The following CUBN variants were observed in gnomAD, a reference collection of about 807,000 sequenced individuals.
CUBN encodes the protein cubilin.
Under a neutral mutation model 405.3 loss-of-function variants are expected in CUBN, and 282 were observed. That is an observed-to-expected ratio of 0.70 (90% CI 0.63 to 0.77). The LOEUF is 0.77. Among genes scored for constraint, CUBN ranks in the 30% least tolerant of loss-of-function variants. The pLI is 0.00. For synonymous variants in CUBN, 1,684 were observed against 1,617.0 expected (o/e 1.04, Z -0.99); for missense variants, 4,514 against 4,475.2 (o/e 1.01, Z -0.25).
At chr10:17,074,286 A>G (rs12265457) in intron 17 of CUBN, among the ~76,000 whole-genome samples, 4,232 of 152,262 alleles carry the variant, frequency 0.028, 198 homozygotes, top group African/African-American at 0.096. Flanking sequence ...AGCAGGGACC[A>G]CAATCTAGCA....
intron 29 of CUBN, 21 bp downstream of exon 29, chr10:16,990,313 A>T: frequency 6.2e-7 from 1 of 1,613,752 alleles, no homozygotes. Flanking sequence ...AATGTGCTGA[A>T]AAAACCATCT....
chr10:17,063,967 A>T (rs1835556933), intron 22 of CUBN, among the ~76,000 whole-genome samples: 1 of 152,248 alleles, frequency 6.6e-6, no homozygotes, highest in Non-Finnish European at 1.5e-5. Context: ...TTTGGGGCCA[A>T]ACATACCAGA....
intron 56 of CUBN, among the ~76,000 whole-genome samples, chr10:16,887,378 T>C (rs1840851462): frequency 6.6e-6 from 1 of 152,252 alleles, no homozygotes; most frequent in African/African-American, 2.4e-5. Context: ...AATACTTGTA[T>C]TCTTTAAAAA....
rs560850466 is a variant in CUBN, at chr10:16,857,069, T to C, written c.9455-5626A>G. 1.3e-3 allele frequency among the ~76,000 whole-genome samples: 203 copies of C among 152,334 alleles called. 1 individual carries two copies. Among genetic ancestry groups the C allele is most frequent in the African/African-American group, 4.5e-3 (189 of 41,558 alleles). On this transcript the variant is annotated intron_variant, in intron 59 of 66. Coordinates refer to ENST00000377833, the MANE Select transcript of CUBN (RefSeq NM_001081.4). ...TTCTACTAGGTTTCAGACGAACCTG[T>C]TTTGTCTTTTTCTCTAAAAGTAAAC...
At chr10:17,078,771 A>C (rs1219042243) in intron 17 of CUBN, among the ~76,000 whole-genome samples, 3 of 152,152 alleles carry the variant, frequency 2.0e-5, no homozygotes, top group African/African-American at 7.2e-5. Context: ...CAGAGAGCTG[A>C]AGGGTTTTAT....
intron 27 of CUBN, among the ~76,000 whole-genome samples, chr10:17,039,084 C>CT (rs1316454459): frequency 6.6e-6 from 1 of 151,886 alleles, no homozygotes; most frequent in Non-Finnish European, 1.5e-5. Context: ...TTTCCTCCCC[C>CT]CTCTTTCTGC....
chr10:16,941,436 G>A (rs1842648701), intron 36 of CUBN, among the ~76,000 whole-genome samples: 1 of 152,170 alleles, frequency 6.6e-6, no homozygotes, highest in Non-Finnish European at 1.5e-5. Context: ...AAAAATCTTT[G>A]TGACCTTGGG....
chr10:16,858,845 T>C (rs1326502359), intron 59 of CUBN, among the ~76,000 whole-genome samples: 2 of 152,244 alleles, frequency 1.3e-5, no homozygotes, highest in Non-Finnish European at 2.9e-5. Flanking sequence ...ACTGATTTTT[T>C]TCAAATGTGC....
intron 39 of CUBN, among the ~76,000 whole-genome samples, chr10:16,933,980 A>G (rs1842429657): frequency 6.6e-6 from 1 of 152,210 alleles, no homozygotes; most frequent in Non-Finnish European, 1.5e-5. Flanking sequence ...CTGTGAAGAC[A>G]AGACCTGAGA....
intron 31 of CUBN, among the ~76,000 whole-genome samples, chr10:16,965,283 G>A (rs1261758721): frequency 2.0e-5 from 3 of 152,138 alleles, no homozygotes; most frequent in African/African-American, 4.8e-5. Flanking sequence ...CACAGCGTGC[G>A]CTTTCTAAAA....
chr10:17,057,813 G>A (rs1835426536), intron 22 of CUBN, among the ~76,000 whole-genome samples: 1 of 151,980 alleles, frequency 6.6e-6, no homozygotes, highest in South Asian at 2.1e-4. Context: ...AAAATTTCCA[G>A]ACACATTATG....
chr10:17,016,029 C>T (rs1006914074), intron 28 of CUBN, among the ~76,000 whole-genome samples: 2 of 152,136 alleles, frequency 1.3e-5, no homozygotes, highest in African/African-American at 2.4e-5. Flanking sequence ...AGATTTTGTT[C>T]AGGACCCAGG....
At chr10:16,874,032 T>A (rs1840431828) in intron 58 of CUBN, among the ~76,000 whole-genome samples, 2 of 152,204 alleles carry the variant, frequency 1.3e-5, no homozygotes, top group South Asian at 4.1e-4. Context: ...ACCCAACACA[T>A]GGCAACTGCT....
In CUBN at chr10:17,105,549, G is replaced by A. The variant is rs1836607187; in HGVS notation, c.1138C>T (p.Pro380Ser). ...CCATAACCATTTCCAGTATAACCCGGGAGACACGTGCAGAGAGGTAAGGAA... is the reference window on the plus strand; with the variant it reads ...CCATAACCATTTCCAGTATAACCCGAGAGACACGTGCAGAGAGGTAAGGAA... Reference protein sequence around the residue: ...LGSLPLCTCLPGYTGNGYGPN... With the variant: ...LGSLPLCTCLSGYTGNGYGPN... Residue 380 changes from proline (P) to serine (S), a missense_variant, in exon 11 of 67, where the codon CCG becomes TCG. This residue lies in a region of CUBN where 1,448 missense variants were observed against 1,388.0 expected (regional missense o/e 1.04). Transcript: ENST00000377833. 1.2e-6 allele frequency: 2 copies of A among 1,608,698 alleles called. No individual in the cohort carries two copies. Among genetic ancestry groups the A allele is most frequent in the Admixed American group, 3.3e-5 (2 of 59,986 alleles).
chr10:16,827,015 G>A (rs541396615), intron 66 of CUBN, among the ~76,000 whole-genome samples: 2 of 152,162 alleles, frequency 1.3e-5, no homozygotes, highest in African/African-American at 4.8e-5. Flanking sequence ...CACATTTACT[G>A]GGGTCTCTCT....
In CUBN at chr10:16,896,684, T is replaced by G. The variant is rs536914124; in HGVS notation, c.8598+2312A>C. ...CTTGGTTTAGGTTCACTCAGCTTCT[T>G]GAACCTATAGGTGTGTCTCTTTTGC... is the stretch of plus-strand genomic sequence containing the variant. On this transcript the variant is annotated intron_variant, in intron 54 of 66. Transcript: ENST00000377833. Among the ~76,000 whole-genome samples the G allele has an allele frequency of 2.0e-5, 3 of 152,348 alleles. No homozygotes were observed. In the South Asian group the frequency reaches 6.2e-4, roughly 32 times the overall value.
intron 62 of CUBN, among the ~76,000 whole-genome samples, chr10:16,839,347 A>C (rs1839269732): frequency 6.6e-6 from 1 of 152,184 alleles, no homozygotes; most frequent in Admixed American, 6.5e-5. Flanking sequence ...TTAAGCTGGA[A>C]GTAACTTAGA....
chr10:17,092,534 A>T (rs554351772), intron 14 of CUBN, among the ~76,000 whole-genome samples: 1 of 152,278 alleles, frequency 6.6e-6, no homozygotes, highest in Admixed American at 6.5e-5. Flanking sequence ...AGGATGCAGT[A>T]GAGAAGGCAG....
intron 48 of CUBN, among the ~76,000 whole-genome samples, chr10:16,913,135 C>A (rs1016599469): frequency 5.3e-5 from 8 of 152,136 alleles, no homozygotes; most frequent in African/African-American, 1.9e-4. Flanking sequence ...TTGACCCAAG[C>A]AACCAGAAGT....
Sources: gnomAD v4.1 joint callset for allele counts (sites outside exome capture counted in the v4.1 genomes callset) on GRCh38, gnomAD v4.1.1 for gene constraint, gnomAD v4.1.1 regional missense constraint, MANE v1.5 for transcripts, NCBI Gene and HGNC (gene_info 2026-07-23, HGNC 2026-07-21) for gene names.